EXOC3L4: variants seen among roughly 807,000 people sequenced by gnomAD.
EXOC3L4 encodes the protein exocyst complex component 3 like 4, also known as exocyst complex component 3-like protein 4.
EXOC3L4 carries 62 observed loss-of-function variants against 69.7 expected under a neutral mutation model. The ratio of observed to expected loss-of-function variants is 0.89; its 90% CI spans 0.72 to 1.10. EXOC3L4 has a LOEUF of 1.10. EXOC3L4 is among the 50% of genes least tolerant of loss of function. The probability of loss-of-function intolerance (pLI) is 0.00; values close to 1 mark genes in which losing one functional copy is unlikely to be tolerated. For missense variants in EXOC3L4, 1,087 were observed against 1,034.8 expected (o/e 1.05, Z -0.69); for synonymous variants, 502 against 464.2 (o/e 1.08, Z -1.05).
At position 103,102,269 on chromosome 14, in the gene EXOC3L4, G is replaced by A. The variant is rs762288618; in HGVS notation, c.546G>A (p.Val182=). 54 of 1,585,960 alleles carry A rather than the reference G, an allele frequency of 3.4e-5. No homozygotes were observed. Among genetic ancestry groups the A allele is most frequent in the Non-Finnish European group, 4.4e-5 (51 of 1,168,908 alleles). Reference sequence around the variant, plus strand: ...CCTTCGCGCGGCGCGCTATGGACGTGTGCCTGCTTTACGACGGGCTGGCAG... The same window carrying A: ...CCTTCGCGCGGCGCGCTATGGACGTATGCCTGCTTTACGACGGGCTGGCAG... ...PTAFARRAMD[V]CLLYDGLAAE... The change falls in exon 3 of 12, where the codon GTG becomes GTA. Residue 182 remains valine (V), a synonymous_variant. Coordinates refer to ENST00000688303, the MANE Select transcript of EXOC3L4 (RefSeq NM_001077594.2).
At position 103,110,260 on chromosome 14, in the gene EXOC3L4, G is replaced by A. The variant is rs975769212; in HGVS notation, c.*37G>A. On this transcript the variant is annotated 3_prime_UTR_variant, in exon 12 of 12. Transcript: ENST00000688303. ...TCGAGGGGGGGCCGGCCGCTGGCAG[G>A]GAGCTGTGGTCAGTGGGGGTCAGCC... 11 of 1,496,268 alleles carry A rather than the reference G, an allele frequency of 7.4e-6. No individual in the cohort carries two copies. Among genetic ancestry groups the A allele is most frequent in the African/African-American group, 1.4e-5 (1 of 71,690 alleles). 92.7% of individuals were successfully genotyped at this position (1,496,268 alleles called of 1,614,324 possible).
rs1028313881 is a variant in EXOC3L4, at chr14:103,097,863, G to A, written c.-16-2341G>A. 5.3e-5 allele frequency among the ~76,000 whole-genome samples: 8 copies of A among 152,094 alleles called. No homozygotes were observed. The highest frequency in any genetic ancestry group is 1.0e-4 in the Non-Finnish European group (7 of 68,008). On this transcript the variant is annotated intron_variant, in intron 1 of 11. Coordinates refer to ENST00000688303, the MANE Select transcript of EXOC3L4 (RefSeq NM_001077594.2). The surrounding 1 kb of genome is among the most constrained non-coding windows in gnomAD (Gnocchi z 4.9). ...AAGCTGGGTGGGGTGCAGGTTGTCC[G>A]TGAACCCCAGGGGAAGCTGGTGAGG...
At position 103,107,527 on chromosome 14, in the gene EXOC3L4, C is replaced by A. The variant is rs1256404143; in HGVS notation, c.1685C>A (p.Ala562Asp). 6.2e-7 allele frequency: 1 copy of A among 1,613,726 alleles called. No individual in the cohort carries two copies. The highest frequency in any genetic ancestry group is 8.5e-7 in the Non-Finnish European group (1 of 1,180,022). Reference protein sequence around the residue: ...VTFAGHLQRVARPRAQETLQE... With the variant: ...VTFAGHLQRVDRPRAQETLQE... ...TTCGCCGGTCATCTCCAGCGTGTGGCCCGGCCGCGGGCACAGGTACCACAA... is the reference window on the plus strand; with the variant it reads ...TTCGCCGGTCATCTCCAGCGTGTGGACCGGCCGCGGGCACAGGTACCACAA... Residue 562 changes from alanine to aspartate, a missense_variant, in exon 9 of 12, where the codon GCC becomes GAC. Physicochemically the swap from Ala to Asp is moderately radical, Grantham distance 126. Coordinates refer to ENST00000688303, the MANE Select transcript of EXOC3L4 (RefSeq NM_001077594.2).
chr14:103,095,649 T>C (rs1889857845), intron 1 of EXOC3L4, among the ~76,000 whole-genome samples: 1 of 152,208 alleles, frequency 6.6e-6, no homozygotes, highest in Non-Finnish European at 1.5e-5. Flanking sequence ...AGGATGGAGC[T>C]GTGCTTCTTC....
In EXOC3L4 at chr14:103,102,668, CT is replaced by C; in HGVS notation, c.947del (p.Phe316SerfsTer119). 6.7e-7 allele frequency: 1 copy of C among 1,496,920 alleles called. No individual in the cohort carries two copies. The highest frequency in any genetic ancestry group is 2.8e-5 in the East Asian group (1 of 35,232). 92.7% of individuals were successfully genotyped at this position (1,496,920 alleles called of 1,614,324 possible). On this transcript the variant is annotated frameshift_variant, in exon 3 of 12. Transcript: ENST00000688303. LOFTEE classifies it high-confidence loss of function. ...FPAWEVYLRA[F>X]HSAVAQRLQE... ...CAGCGTGGGAGGTCTATCTGCGTGC[CT>C]TCCACAGCGCCGTGGCCCAGCGCCT... is the stretch of plus-strand genomic sequence containing the variant.
Position 103,110,076 on chromosome 14 carries a change from C to T in EXOC3L4, c.2022C>T (p.Arg674=). The change falls in exon 12 of 12, where the codon CGC becomes CGT. Residue 674 remains arginine (R), a synonymous_variant. Coordinates refer to ENST00000688303, the MANE Select transcript of EXOC3L4 (RefSeq NM_001077594.2). The part of the protein sequence containing the change: ...LAILALRRLG[R]QRNQHLLQHT... ...TTCTGGCGCTGCGCCGACTGGGCCG[C>T]CAGCGGAACCAGCATCTCTTGCAGC... The T allele has an allele frequency of 6.2e-7, 1 of 1,600,782 alleles. No homozygotes were observed. The highest frequency in any genetic ancestry group is 8.5e-7 in the Non-Finnish European group (1 of 1,174,500).
intron 2 of EXOC3L4, 107 bp downstream of exon 2, chr14:103,100,720 T>C: frequency 7.4e-7 from 1 of 1,350,050 alleles, no homozygotes; most frequent in Admixed American, 2.8e-5. Flanking sequence ...CCCCAAACCC[T>C]GCCCCCGAAC....
intron 10 of EXOC3L4, among the ~76,000 whole-genome samples, chr14:103,108,192 C>G (rs1254596586): frequency 7.2e-5 from 11 of 152,152 alleles, no homozygotes; most frequent in Non-Finnish European, 1.0e-4. Context: ...GAGATGAAGG[C>G]TGTGTAGCCA....
At chr14:103,103,797 C>CGTGTGTGTGT (rs56147384) in intron 3 of EXOC3L4, 144 bp from the exon 4 acceptor site, 29,357 of 429,732 alleles carry the variant, frequency 0.068, 693 homozygotes, top group Admixed American at 0.15. Context: ...GGCGCGCGCG[C>CGTGTGTGTGT]GTGTGTGTGT....
rs145130746 is a variant in EXOC3L4, at chr14:103,097,639, A to G, written c.-16-2565A>G. Among the ~76,000 whole-genome samples, 350 of 152,318 alleles carry G rather than the reference A, an allele frequency of 2.3e-3. 1 individual carries two copies. The highest frequency in any genetic ancestry group is 8.0e-3 in the African/African-American group (331 of 41,574). On this transcript the variant is annotated intron_variant, in intron 1 of 11. Coordinates refer to ENST00000688303, the MANE Select transcript of EXOC3L4 (RefSeq NM_001077594.2). The surrounding 1 kb of genome is among the most constrained non-coding windows in gnomAD (Gnocchi z 4.9). ...GTAGATGGACAGAGGCTGCCAGCCC[A>G]GTGCAGGAGGGCCACATCATCACAG...
At chr14:103,098,169 C>T (rs536206477) in intron 1 of EXOC3L4, among the ~76,000 whole-genome samples, 1 of 152,196 alleles carries the variant, frequency 6.6e-6, no homozygotes, top group African/African-American at 2.4e-5. Flanking sequence ...CAAGCCTCTG[C>T]CTATGTAACC....
At chr14:103,106,940 G>A in intron 8 of EXOC3L4, 41 bp downstream of exon 8, 1 of 1,454,794 alleles carries the variant, frequency 6.9e-7, no homozygotes, top group South Asian at 1.3e-5. Context: ...CCCATGCCCA[G>A]CAGGCACCCC....
Position 103,106,827 on chromosome 14 carries a change from G to A in EXOC3L4, c.1509G>A (p.Leu503=), listed in dbSNP as rs202144206. Residue 503 remains leucine (L), a synonymous_variant, in exon 8 of 12, where the codon CTG becomes CTA. Coordinates refer to ENST00000688303, the MANE Select transcript of EXOC3L4 (RefSeq NM_001077594.2). ...GGTTCCCAGGAACCCAAGAGGAGCT[G>A]GAGAAGCCCCTGGTGACGGCCACCT... The part of the protein sequence containing the change: ...LSRFPGTQEE[L]EKPLVTATCS... 41 of 1,596,110 alleles carry A rather than the reference G, an allele frequency of 2.6e-5. No individual in the cohort carries two copies. In the African/African-American group the frequency reaches 4.0e-4, roughly 16 times the overall value.
chr14:103,107,323 C>G, intron 8 of EXOC3L4, 101 bp from the exon 9 acceptor site: 1 of 1,526,142 alleles, frequency 6.6e-7, no homozygotes, highest in Non-Finnish European at 8.8e-7. Context: ...CACCCCAAAC[C>G]CAGGAGGGAA....
intron 11 of EXOC3L4, 41 bp from the exon 12 acceptor site, chr14:103,109,990 G>T: frequency 6.5e-7 from 1 of 1,534,120 alleles, no homozygotes; most frequent in Admixed American, 2.1e-5. Flanking sequence ...GGGGTGTTGC[G>T]GAGGTGTAGG....
chr14:103,101,187 G>A (rs1890169746), intron 2 of EXOC3L4, among the ~76,000 whole-genome samples: 1 of 152,112 alleles, frequency 6.6e-6, no homozygotes, highest in Non-Finnish European at 1.5e-5. Flanking sequence ...TTACAGGCGT[G>A]AACCACTGTG....
chr14:103,105,750 C>G (rs554993905), intron 7 of EXOC3L4, among the ~76,000 whole-genome samples: 25 of 152,322 alleles, frequency 1.6e-4, no homozygotes, highest in African/African-American at 6.0e-4. Context: ...CCTTCCGTGC[C>G]CTCAGCTCCA....
Position 103,104,252 on chromosome 14 carries a change from C to T in EXOC3L4, c.1162-15C>T. The T allele has an allele frequency of 6.4e-7, 1 of 1,569,972 alleles. No individual in the cohort carries two copies. Among genetic ancestry groups the T allele is most frequent in the East Asian group, 2.3e-5 (1 of 42,760 alleles). On this transcript the variant is annotated splice_polypyrimidine_tract_variant and intron_variant, in intron 4 of 11. Transcript: ENST00000688303. ...CTGGGAGGGTCTCACCACGGCCCAT[C>T]CCTTCTCCCCCCAGGCCAAGATCGC...
rs141974105 is a variant in EXOC3L4 at position 103,105,485 on chromosome 14, C to T, written c.1466+413C>T. 4.3e-3 allele frequency among the ~76,000 whole-genome samples: 657 copies of T among 152,010 alleles called. 2 individuals are homozygous for T. Among genetic ancestry groups the T allele is most frequent in the Non-Finnish European group, 7.0e-3 (478 of 67,946 alleles). On this transcript the variant is annotated intron_variant, in intron 7 of 11. Transcript: ENST00000688303. ...TGTGTCTTGTGTGTGTGTGTCCATC[C>T]GAGCAGGGGCCCTGGGGGAGTGTGG...
Sources: allele counts gnomAD v4.1 joint callset (sites outside exome capture counted in the v4.1 genomes callset), GRCh38; gene constraint gnomAD v4.1.1; non-coding constraint Gnocchi (gnomAD v3.1); transcripts MANE v1.5; gene names NCBI Gene and HGNC (gene_info 2026-07-23, HGNC 2026-07-21).